ESYT2: variants seen among roughly 807,000 people sequenced by gnomAD.
ESYT2 encodes the protein extended synaptotagmin 2.
Under a neutral mutation model 107.2 loss-of-function variants are expected in ESYT2, and 54 were observed. The observed-to-expected ratio is 0.50, with a 90% confidence interval of 0.40 to 0.63. The LOEUF (loss-of-function observed/expected upper bound fraction) is 0.63. Ranked by LOEUF, ESYT2 falls within the 30% of genes least tolerant of loss-of-function variation. The pLI is 0.00. For synonymous variants in ESYT2, 491 were observed against 434.1 expected, an observed-to-expected ratio of 1.13 and a Z score of -1.63; for missense variants, 1,020 against 1,094.5, an observed-to-expected ratio of 0.93 and a Z score of 0.96.
intron 4 of ESYT2, 43 bp from the exon 5 acceptor site, chr7:158,788,460 T>C: frequency 6.8e-7 from 1 of 1,478,786 alleles, no homozygotes; most frequent in Non-Finnish European, 9.3e-7. Flanking sequence ...TGAAATGAAC[T>C]ATTCTCTTAA....
intron 17 of ESYT2, 96 bp downstream of exon 17, chr7:158,743,433 C>G: frequency 6.7e-7 from 1 of 1,493,176 alleles, no homozygotes; most frequent in Non-Finnish European, 9.0e-7. Flanking sequence ...CGACACAGAG[C>G]TTTCTTCACC....
intron 1 of ESYT2, among the ~76,000 whole-genome samples, chr7:158,813,860 G>T (rs1157928741): frequency 6.6e-6 from 1 of 150,558 alleles, no homozygotes. Context: ...GACTCTCACA[G>T]ATCAAAAACG....
rs769310176 is a variant in ESYT2, at chr7:158,735,539, G to T, written c.2469C>A (p.Gly823=). 2 of 1,614,068 alleles carry T rather than the reference G, an allele frequency of 1.2e-6. No individual in the cohort carries two copies. The highest frequency in any genetic ancestry group is 1.7e-6 in the Non-Finnish European group (2 of 1,179,970). ...RTLDVAVKNS[G]GFLSKDKGLL... ...GCCCTTTGTCTTTGGACAGGAAGCCGCCACTGTTCTTCACGGCAACGTCGA... is the reference window on the plus strand; with the variant it reads ...GCCCTTTGTCTTTGGACAGGAAGCCTCCACTGTTCTTCACGGCAACGTCGA... Residue 823 remains glycine, a synonymous_variant, in exon 21 of 23, where the codon GGC becomes GGA. Coordinates refer to ENST00000275418, the MANE Select transcript of ESYT2 (RefSeq NM_001367773.1).
chr7:158,823,294 CAAAAAAAAAAAAAAAA>C (rs1173735798), intron 1 of ESYT2, among the ~76,000 whole-genome samples: 1 of 29,808 alleles, frequency 3.4e-5, no homozygotes, highest in Non-Finnish European at 8.1e-5. Context: ...GACTCTGTCT[CAAAAAAAAAAAAAAAA>C]AAAAAAAAAA....
chr7:158,738,344 GACACACACACACAC>G (rs199580275), intron 19 of ESYT2, among the ~76,000 whole-genome samples: 24 of 131,312 alleles, frequency 1.8e-4, no homozygotes, highest in South Asian at 2.5e-4. Flanking sequence ...CACACACACA[GACACACACACACAC>G]ACACACACAC....
chr7:158,775,669 T>A (rs1838537170), intron 6 of ESYT2, among the ~76,000 whole-genome samples: 1 of 152,158 alleles, frequency 6.6e-6, no homozygotes, highest in African/African-American at 2.4e-5. Flanking sequence ...TCTCACTATT[T>A]CCCTTCCACC....
chr7:158,798,194 G>T, intron 2 of ESYT2, 118 bp from the exon 3 acceptor site: 1 of 1,055,016 alleles, frequency 9.5e-7, no homozygotes, highest in Non-Finnish European at 1.4e-6. Flanking sequence ...AAGGGCGGGA[G>T]GATCTTGTTG....
chr7:158,828,983 C>G (rs1840546334), intron 1 of ESYT2, 106 bp downstream of exon 1: 6 of 1,483,186 alleles, frequency 4.0e-6, no homozygotes, highest in Non-Finnish European at 5.3e-6. Flanking sequence ...GGGCTGGGGT[C>G]TGCACTCACC....
At chr7:158,786,984 C>T (rs115888789) in intron 6 of ESYT2, among the ~76,000 whole-genome samples, 4 of 152,044 alleles carry the variant, frequency 2.6e-5, no homozygotes, top group Admixed American at 6.5e-5. Flanking sequence ...AAGCCTTCTG[C>T]GGCAAAGAAA....
intron 6 of ESYT2, among the ~76,000 whole-genome samples, chr7:158,775,279 C>A (rs1838517185): frequency 6.6e-6 from 1 of 152,200 alleles, no homozygotes; most frequent in Admixed American, 6.5e-5. Flanking sequence ...CTGATGGTTG[C>A]TGACTGACCG....
At chr7:158,819,221 C>T (rs1317125998) in intron 1 of ESYT2, among the ~76,000 whole-genome samples, 1 of 152,194 alleles carries the variant, frequency 6.6e-6, no homozygotes, top group Non-Finnish European at 1.5e-5. Context: ...CATGCAAAAA[C>T]AAACACTGCC....
intron 6 of ESYT2, among the ~76,000 whole-genome samples, chr7:158,777,727 G>A (rs961203596): frequency 6.6e-6 from 1 of 152,054 alleles, no homozygotes; most frequent in Non-Finnish European, 1.5e-5. Context: ...CCAGTCTCAG[G>A]TAGAATCTTT....
chr7:158,786,578 C>A (rs1023778695), intron 6 of ESYT2, among the ~76,000 whole-genome samples: 5 of 152,146 alleles, frequency 3.3e-5, no homozygotes, highest in African/African-American at 4.8e-5. Context: ...TAAGCCCATT[C>A]TTTCAGTAAT....
intron 1 of ESYT2, among the ~76,000 whole-genome samples, chr7:158,820,218 G>T (rs1840253288): frequency 6.6e-6 from 1 of 152,172 alleles, no homozygotes; most frequent in South Asian, 2.1e-4. Context: ...AAGAATGGGG[G>T]AGAGTCTAGA....
chr7:158,734,936 C>G (rs1199935211), intron 21 of ESYT2, among the ~76,000 whole-genome samples: 3 of 152,188 alleles, frequency 2.0e-5, no homozygotes, highest in East Asian at 1.9e-4. Flanking sequence ...TTTCTACCCC[C>G]CTGAGCACCT....
chr7:158,743,429 A>C, intron 17 of ESYT2, 100 bp downstream of exon 17: 38 of 1,474,780 alleles, frequency 2.6e-5, no homozygotes, highest in Non-Finnish European at 3.1e-5. Context: ...CAGCCGACAC[A>C]GAGCTTTCTT....
chr7:158,735,629 C>T (rs1301494854), intron 20 of ESYT2, 21 bp from the exon 21 acceptor site: 2 of 1,590,758 alleles, frequency 1.3e-6, no homozygotes, highest in Non-Finnish European at 1.7e-6. Flanking sequence ...AAACGAGAGC[C>T]TTACTTTATC....
intron 3 of ESYT2, among the ~76,000 whole-genome samples, chr7:158,796,686 A>T (rs943425329): frequency 6.6e-6 from 1 of 152,268 alleles, no homozygotes; most frequent in African/African-American, 2.4e-5. Flanking sequence ...ACCGCGGACA[A>T]GAAGGCAGCA....
At chr7:158,806,457 T>TA (rs1839835735) in intron 1 of ESYT2, among the ~76,000 whole-genome samples, 1 of 152,204 alleles carries the variant, frequency 6.6e-6, no homozygotes, top group Non-Finnish European at 1.5e-5. Context: ...AAGCCCCCTT[T>TA]TAGTGCATGC....
Sources: allele counts gnomAD v4.1 joint callset (sites outside exome capture counted in the v4.1 genomes callset), GRCh38; gene constraint gnomAD v4.1.1; transcripts MANE v1.5; gene names NCBI Gene and HGNC (gene_info 2026-07-23, HGNC 2026-07-21).